Variants in PRKCH observed in about 807,000 individuals in gnomAD.
The protein encoded by PRKCH is protein kinase C eta, also known as protein kinase C eta type.
Under a neutral mutation model 82.5 loss-of-function variants are expected in PRKCH, and 28 were observed. That is an observed-to-expected ratio of 0.34 (90% confidence interval 0.25 to 0.47). The LOEUF is 0.47. PRKCH is among the 20% of genes least tolerant of loss of function. PRKCH has a pLI of 1.00. For synonymous variants in PRKCH, 322 were observed against 327.4 expected (o/e 0.98, Z 0.18); for missense variants, 705 against 881.8 (o/e 0.80, Z 2.54).
chr14:61,509,421 C>T (rs1038825811), intron 10 of PRKCH, among the ~76,000 whole-genome samples: 2 of 152,164 alleles, frequency 1.3e-5, no homozygotes, highest in Non-Finnish European at 2.9e-5. Context: ...TCCTGGGCAT[C>T]TGCTTTGTGC....
chr14:61,278,301 C>T (rs2045222619), intron 1 of PRKCH: 1 of 152,132 alleles, frequency 6.6e-6, no homozygotes. Context: ...CATACAAAAT[C>T]TAATAATAAA....
chr14:61,467,915 G>C (rs1885330409), intron 9 of PRKCH, among the ~76,000 whole-genome samples: 1 of 152,160 alleles, frequency 6.6e-6, no homozygotes, highest in South Asian at 2.1e-4. Context: ...TAAAGGCCTA[G>C]AAACTGAGAT....
intron 9 of PRKCH, among the ~76,000 whole-genome samples, chr14:61,462,740 C>CAGA (rs1885082381): frequency 6.6e-6 from 1 of 152,130 alleles, no homozygotes; most frequent in Non-Finnish European, 1.5e-5. Context: ...GACAGTCTCC[C>CAGA]CTGGAGAATT....
chr14:61,243,277 A>T (rs2044855434), intron 1 of PRKCH, among the ~76,000 whole-genome samples: 1 of 151,292 alleles, frequency 6.6e-6, no homozygotes, highest in African/African-American at 2.4e-5. Flanking sequence ...GCGCACCTGT[A>T]GTCCCAGCTA....
At chr14:61,216,909 G>T (rs149934725) in intron 1 of PRKCH, among the ~76,000 whole-genome samples, 1 of 152,136 alleles carries the variant, frequency 6.6e-6, no homozygotes, top group African/African-American at 2.4e-5. Context: ...AATGTAAAAC[G>T]GTTGCATACT....
Position 61,541,208 on chromosome 14 carries a change from T to C in PRKCH, c.1762-6535T>C, listed in dbSNP as rs142805258. On this transcript the variant is annotated intron_variant, in intron 12 of 13. Coordinates refer to ENST00000332981, the MANE Select transcript of PRKCH (RefSeq NM_006255.5). ...GCAGGAGGGGTATAAAAGGAGAAGG[T>C]TGGTCTTCATAACTGGGTCAGAATC... Among the ~76,000 whole-genome samples the C allele has an allele frequency of 9.2e-4, 140 of 152,324 alleles. 1 individual carries two copies. The highest frequency in any genetic ancestry group is 3.2e-3 in the African/African-American group (135 of 41,568).
chr14:61,532,251 T>TA (rs915871587), intron 12 of PRKCH, among the ~76,000 whole-genome samples: 4 of 152,156 alleles, frequency 2.6e-5, no homozygotes, highest in East Asian at 3.9e-4. Flanking sequence ...GTTCAAGCCA[T>TA]AAAAAAAATG....
chr14:61,197,504 A>T (rs1287978591), intron 1 of PRKCH, among the ~76,000 whole-genome samples: 2 of 152,220 alleles, frequency 1.3e-5, no homozygotes, highest in Non-Finnish European at 2.9e-5. Context: ...AGTGCAGGGC[A>T]TCACATGGTG....
chr14:61,271,446 A>G (rs549701841), intron 1 of PRKCH, among the ~76,000 whole-genome samples: 68 of 152,274 alleles, frequency 4.5e-4, no homozygotes, highest in East Asian at 1.9e-3. Flanking sequence ...TGTCTTGACT[A>G]TTCTTGTTCC....
At position 61,529,135 on chromosome 14, in the gene PRKCH, C is replaced by T. The variant is rs781476928; in HGVS notation, c.1494C>T (p.Phe498=). 17 of 1,613,820 alleles carry T rather than the reference C, an allele frequency of 1.1e-5. No homozygotes were observed. The highest frequency in any genetic ancestry group is 6.6e-5 in the South Asian group (6 of 91,056). ...DHEGHCKLAD[F]GMCKEGICNG... Reference sequence around the variant, plus strand: ...AGGGTCACTGTAAACTGGCAGACTTCGGAATGTGCAAGGAGGGGATTTGCA... The same window carrying T: ...AGGGTCACTGTAAACTGGCAGACTTTGGAATGTGCAAGGAGGGGATTTGCA... Residue 498 remains phenylalanine (F), a synonymous_variant, in exon 11 of 14, where the codon TTC becomes TTT. Transcript: ENST00000332981.
At chr14:61,502,875 C>G (rs540536095) in intron 10 of PRKCH, among the ~76,000 whole-genome samples, 13 of 152,104 alleles carry the variant, frequency 8.5e-5, no homozygotes, top group African/African-American at 2.7e-4. Context: ...TGGGGCCGAG[C>G]AGCAGAGGAA....
chr14:61,404,654 C>T (rs1173742969), intron 2 of PRKCH, among the ~76,000 whole-genome samples: 1 of 152,140 alleles, frequency 6.6e-6, no homozygotes, highest in Non-Finnish European at 1.5e-5. Context: ...ACAGGTGGTA[C>T]ATGCTATGGA....
intron 1 of PRKCH, among the ~76,000 whole-genome samples, chr14:61,210,680 A>G (rs1354912157): frequency 6.6e-6 from 1 of 152,088 alleles, no homozygotes; most frequent in Non-Finnish European, 1.5e-5. Flanking sequence ...CAAGTCCCAT[A>G]ATGAGTCAGT....
chr14:61,510,368 A>T (rs1887323400), intron 10 of PRKCH, among the ~76,000 whole-genome samples: 1 of 152,088 alleles, frequency 6.6e-6, no homozygotes, highest in South Asian at 2.1e-4. Context: ...CTCATAGGTC[A>T]GGCAAGAAAC....
intron 2 of PRKCH, among the ~76,000 whole-genome samples, chr14:61,436,838 C>G (rs1883703944): frequency 6.6e-6 from 1 of 152,246 alleles, no homozygotes; most frequent in Non-Finnish European, 1.5e-5. Flanking sequence ...GGCCTTGCTG[C>G]CATTTTTAAA....
intron 2 of PRKCH, among the ~76,000 whole-genome samples, chr14:61,410,646 A>G (rs1255109564): frequency 6.6e-6 from 1 of 152,240 alleles, no homozygotes; most frequent in Non-Finnish European, 1.5e-5. Flanking sequence ...CTCCTTCTGC[A>G]GTCCCCAGCA....
intron 1 of PRKCH, among the ~76,000 whole-genome samples, chr14:61,379,289 C>T (rs539722517): frequency 1.3e-5 from 2 of 152,160 alleles, no homozygotes; most frequent in African/African-American, 4.8e-5. Context: ...GTGGAGCTTT[C>T]GTCTCCTTCC....
intron 1 of PRKCH, among the ~76,000 whole-genome samples, chr14:61,233,896 A>G (rs1199124014): frequency 6.6e-6 from 1 of 152,186 alleles, no homozygotes; most frequent in East Asian, 1.9e-4. Context: ...GAATGGATGA[A>G]TACATTGGTT....
chr14:61,322,020 C>A lies in PRKCH; in HGVS notation c.-82C>A. 2 of 1,434,034 alleles carry A rather than the reference C, an allele frequency of 1.4e-6. No individual in the cohort carries two copies. 88.8% of individuals were successfully genotyped at this position (1,434,034 alleles called of 1,614,324 possible). ...GCTGCCTCGACTCCTGCACCTGTCC[C>A]GAGGGCTGGCCTGAGACGGGACTCC... On this transcript the variant is annotated 5_prime_UTR_variant, in exon 1 of 14. Coordinates refer to ENST00000332981, the MANE Select transcript of PRKCH (RefSeq NM_006255.5).
Sources: allele counts gnomAD v4.1 joint callset (sites outside exome capture counted in the v4.1 genomes callset), GRCh38; gene constraint gnomAD v4.1.1; transcripts MANE v1.5; gene names NCBI Gene and HGNC (gene_info 2026-07-23, HGNC 2026-07-21).